The following FUT9 variants were observed in gnomAD, a reference collection of about 807,000 sequenced individuals.
FUT9 encodes 4-galactosyl-N-acetylglucosaminide 3-alpha-L-fucosyltransferase 9.
In FUT9, 15 loss-of-function variants were observed where a neutral mutation model predicts 29.7. The observed-to-expected ratio is 0.51, with a 90% CI of 0.34 to 0.78. FUT9 has a LOEUF of 0.78. FUT9 is among the 30% of genes least tolerant of loss of function. FUT9 has a pLI of 0.01. For missense variants in FUT9, 319 were observed against 425.4 expected, an observed-to-expected ratio of 0.75 and a Z score of 2.20; for synonymous variants, 169 against 153.7, an observed-to-expected ratio of 1.10 and a Z score of -0.74.
intron 1 of FUT9, among the ~76,000 whole-genome samples, chr6:96,088,517 CTGTT>C (rs200357484): frequency 9.5e-5 from 14 of 146,740 alleles, no homozygotes; most frequent in African/African-American, 3.5e-4. Flanking sequence ...GTATGATTCT[CTGTT>C]TGTTTGTTTT....
At chr6:96,031,853 A>G (rs1035348077) in intron 1 of FUT9, among the ~76,000 whole-genome samples, 2 of 151,604 alleles carry the variant, frequency 1.3e-5, no homozygotes, top group Admixed American at 1.3e-4. Context: ...GAAGAATTTT[A>G]AAACAAAACT....
chr6:96,098,046 G>T (rs1361348529), intron 1 of FUT9, among the ~76,000 whole-genome samples: 1 of 151,798 alleles, frequency 6.6e-6, no homozygotes, highest in African/African-American at 2.4e-5. Context: ...CAGGCTATTT[G>T]TCTAAGTTAT....
chr6:96,135,110 T>C (rs1443700687), intron 2 of FUT9, among the ~76,000 whole-genome samples: 1 of 151,954 alleles, frequency 6.6e-6, no homozygotes, highest in African/African-American at 2.4e-5. Context: ...CTTTATTGAA[T>C]GTCACATAAT....
intron 2 of FUT9, among the ~76,000 whole-genome samples, chr6:96,154,459 A>C (rs553411721): frequency 2.6e-5 from 4 of 152,310 alleles, no homozygotes; most frequent in African/African-American, 4.8e-5. Context: ...ATAAAAGTAA[A>C]CATGTTTTTA....
intron 2 of FUT9, among the ~76,000 whole-genome samples, chr6:96,115,392 T>A (rs1000306230): frequency 1.3e-5 from 2 of 152,200 alleles, no homozygotes; most frequent in African/African-American, 4.8e-5. Context: ...TTATAGCACA[T>A]CTCAATTCAG....
At position 96,204,978 on chromosome 6, in the gene FUT9, G is replaced by T. The variant is rs1486822675; in HGVS notation, c.*743G>T. The stretch of plus-strand genomic sequence containing the variant: ...GGGAAGTAATCCCAATAATACTTTA[G>T]AAAATCTAAGACAGTTCTTTCTGCT... On this transcript the variant is annotated 3_prime_UTR_variant, in exon 3 of 3. Transcript: ENST00000302103. 1 of 162,786 alleles carries T rather than the reference G, an allele frequency of 6.1e-6. No homozygotes were observed. Among genetic ancestry groups the T allele is most frequent in the Non-Finnish European group, 1.5e-5 (1 of 68,032 alleles). 10.1% of individuals were successfully genotyped at this position (162,786 alleles called of 1,614,324 possible). A position where few individuals can be genotyped will look rare whatever the true frequency, so the allele number is the denominator to read the frequency against.
chr6:96,108,642 G>C (rs1771738868), intron 1 of FUT9, among the ~76,000 whole-genome samples: 1 of 152,026 alleles, frequency 6.6e-6, no homozygotes, highest in South Asian at 2.1e-4. Flanking sequence ...CTACCACTCT[G>C]TTCCACAGAG....
chr6:96,156,419 T>C (rs1240091493), intron 2 of FUT9, among the ~76,000 whole-genome samples: 1 of 151,772 alleles, frequency 6.6e-6, no homozygotes, highest in African/African-American at 2.4e-5. Context: ...GTGAGTGGAG[T>C]AGAATGTATT....
intron 2 of FUT9, among the ~76,000 whole-genome samples, chr6:96,199,848 A>G (rs1373143870): frequency 6.6e-6 from 1 of 152,164 alleles, no homozygotes; most frequent in African/African-American, 2.4e-5. Flanking sequence ...CATATGAGAC[A>G]TACAGCATTT....
intron 2 of FUT9, among the ~76,000 whole-genome samples, chr6:96,152,929 C>T (rs1314596378): frequency 6.6e-6 from 1 of 152,144 alleles, no homozygotes; most frequent in Admixed American, 6.5e-5. Flanking sequence ...TAAAGCTGAG[C>T]TTTGCCTCAC....
At chr6:96,080,197 A>T (rs1771211764) in intron 1 of FUT9, among the ~76,000 whole-genome samples, 1 of 139,572 alleles carries the variant, frequency 7.2e-6, no homozygotes, top group African/African-American at 2.5e-5. Flanking sequence ...AGTAGTTCTC[A>T]CAAATAAAGC....
chr6:96,091,519 T>C (rs9404212), intron 1 of FUT9, among the ~76,000 whole-genome samples: 4,286 of 152,212 alleles, frequency 0.028, 72 homozygotes, highest in East Asian at 0.079. Context: ...TTATGTGATA[T>C]GCAATTATCA....
chr6:96,074,154 G>A (rs1195393416), intron 1 of FUT9, among the ~76,000 whole-genome samples: 1 of 152,036 alleles, frequency 6.6e-6, no homozygotes, highest in Non-Finnish European at 1.5e-5. Flanking sequence ...CATAAAATTT[G>A]TACTGCACCA....
At chr6:96,079,955 C>G (rs879353781) in intron 1 of FUT9, among the ~76,000 whole-genome samples, 3 of 151,868 alleles carry the variant, frequency 2.0e-5, no homozygotes, top group Non-Finnish European at 4.4e-5. Flanking sequence ...ATGATTCTCA[C>G]CAAAAATATT....
intron 1 of FUT9, among the ~76,000 whole-genome samples, chr6:96,047,472 A>G (rs575282962): frequency 2.0e-5 from 3 of 152,206 alleles, no homozygotes; most frequent in Non-Finnish European, 4.4e-5. Context: ...CTAACAAATT[A>G]CTTCAATAAG....
chr6:96,111,364 T>A (rs1771802978), intron 1 of FUT9, among the ~76,000 whole-genome samples: 1 of 151,968 alleles, frequency 6.6e-6, no homozygotes, highest in Non-Finnish European at 1.5e-5. Flanking sequence ...GACACAAATA[T>A]AGGGAATGGA....
intron 1 of FUT9, among the ~76,000 whole-genome samples, chr6:96,048,122 T>C (rs1328082251): frequency 6.6e-6 from 1 of 152,174 alleles, no homozygotes; most frequent in East Asian, 1.9e-4. Context: ...TATAGATACG[T>C]TCCTCTGACC....
intron 1 of FUT9, among the ~76,000 whole-genome samples, chr6:96,035,812 AT>A (rs1214997233): frequency 6.7e-5 from 9 of 134,860 alleles, no homozygotes; most frequent in South Asian, 6.5e-4. Context: ...AATATAATAC[AT>A]ATAATATATT....
intron 1 of FUT9, among the ~76,000 whole-genome samples, chr6:96,058,829 A>G (rs532877587): frequency 6.6e-6 from 1 of 152,172 alleles, no homozygotes; most frequent in Non-Finnish European, 1.5e-5. Flanking sequence ...ATACTTGTTC[A>G]GTAGAATTTT....
Sources: allele counts gnomAD v4.1 joint callset (sites outside exome capture counted in the v4.1 genomes callset), GRCh38; gene constraint gnomAD v4.1.1; transcripts MANE v1.5; gene names NCBI Gene and HGNC (gene_info 2026-07-23, HGNC 2026-07-21).